The following UNC13C variants were observed in gnomAD, a reference collection of about 807,000 sequenced individuals.
UNC13C encodes the protein unc-13 homolog C, also known as protein unc-13 homolog C.
A neutral mutation model predicts 245.4 loss-of-function variants in UNC13C; 174 were observed. That is an observed-to-expected ratio of 0.71 (90% CI 0.63 to 0.80). UNC13C has a LOEUF of 0.80. Ranked by LOEUF, UNC13C falls within the 30% of genes least tolerant of loss-of-function variation. The pLI is 0.00. For synonymous variants in UNC13C, 992 were observed against 895.1 expected, an observed-to-expected ratio of 1.11 and a Z score of -1.93; for missense variants, 2,829 against 2,602.9, an observed-to-expected ratio of 1.09 and a Z score of -1.89.
chr15:54,179,527 C>T (rs1298971865), intron 4 of UNC13C, among the ~76,000 whole-genome samples: 1 of 151,770 alleles, frequency 6.6e-6, no homozygotes, highest in African/African-American at 2.4e-5. Flanking sequence ...AGAGAAGGGA[C>T]ATAGAGAAGA....
At chr15:54,542,459 G>A (rs1331456597) in intron 26 of UNC13C, among the ~76,000 whole-genome samples, 4 of 152,116 alleles carry the variant, frequency 2.6e-5, no homozygotes, top group African/African-American at 9.7e-5. Context: ...GTGGTGCTGA[G>A]AAGAATGTAT....
At chr15:53,861,983 C>T in the UNC13C span, among the ~76,000 whole-genome samples, 631 of 152,224 alleles carry the variant, frequency 4.1e-3, 3 homozygotes, top group African/African-American at 0.015. Flanking sequence ...CATTAAATCT[C>T]GGCTGTGAAA....
At chr15:54,633,165 C>CA (rs1023071480), downstream of UNC13C, 1,469 of 145,162 alleles carry the variant, frequency 0.01, 32 homozygotes, top group African/African-American at 0.035. Context: ...AACTCTGTCT[C>CA]AAAAAAAAAA....
intron 2 of UNC13C, among the ~76,000 whole-genome samples, chr15:54,027,927 C>G (rs1896185573): frequency 6.6e-6 from 1 of 152,116 alleles, no homozygotes; most frequent in Non-Finnish European, 1.5e-5. Flanking sequence ...TTCTTCCCAC[C>G]CCTATCAGCC....
At chr15:54,225,872 C>A (rs1195125321) in intron 4 of UNC13C, among the ~76,000 whole-genome samples, 1 of 152,172 alleles carries the variant, frequency 6.6e-6, no homozygotes, top group Non-Finnish European at 1.5e-5. Context: ...AGAGGGCATC[C>A]TTGTCTTGTG....
the UNC13C span, among the ~76,000 whole-genome samples, chr15:53,871,686 G>A: frequency 6.6e-6 from 1 of 152,184 alleles, no homozygotes; most frequent in African/African-American, 2.4e-5. Context: ...TAGATAGCCT[G>A]TGGCTGGACT....
At chr15:54,467,518 A>C (rs1892243343) in intron 19 of UNC13C, among the ~76,000 whole-genome samples, 1 of 151,696 alleles carries the variant, frequency 6.6e-6, no homozygotes, top group South Asian at 2.1e-4. Context: ...TTTGAAATAC[A>C]CAATAAATTA....
At chr15:54,474,326 C>T (rs1206091983) in intron 19 of UNC13C, among the ~76,000 whole-genome samples, 5 of 152,000 alleles carry the variant, frequency 3.3e-5, no homozygotes, top group Admixed American at 2.6e-4. Flanking sequence ...TCTGCGTCCT[C>T]ACCAGCATCT....
At position 54,027,555 on chromosome 15, in the gene UNC13C, C is replaced by T. The variant is rs373313732; in HGVS notation, c.2983+11669C>T. Among the ~76,000 whole-genome samples, 15 of 152,072 alleles carry T rather than the reference C, an allele frequency of 9.9e-5. No homozygotes were observed. The South Asian group carries it at 3.1e-3, about 32-fold the overall frequency. ...TGGCTAATTTTTGTGTTTTTTAGTA[C>T]AGATGGGGTTTTATCATGTTGGCCA... On this transcript the variant is annotated intron_variant, in intron 2 of 32. Transcript: ENST00000260323.
chr15:54,053,076 T>C (rs2141058088), intron 2 of UNC13C, among the ~76,000 whole-genome samples: 1 of 152,320 alleles, frequency 6.6e-6, no homozygotes, highest in Non-Finnish European at 1.5e-5. Context: ...CTCGACCCAC[T>C]GCAACTTCTG....
At chr15:54,064,600 C>T (rs545357654) in intron 2 of UNC13C, among the ~76,000 whole-genome samples, 1 of 152,326 alleles carries the variant, frequency 6.6e-6, no homozygotes, top group Non-Finnish European at 1.5e-5. Context: ...ATTAAATGGA[C>T]ATATTCCAAA....
At chr15:54,416,353 G>GA (rs34259612) in intron 19 of UNC13C, among the ~76,000 whole-genome samples, 2 of 151,480 alleles carry the variant, frequency 1.3e-5, no homozygotes, top group African/African-American at 2.4e-5. Context: ...TTCTTATTTG[G>GA]AAAAAAAAGG....
intron 2 of UNC13C, among the ~76,000 whole-genome samples, chr15:54,022,607 G>C (rs927902485): frequency 5.3e-5 from 8 of 152,052 alleles, no homozygotes; most frequent in African/African-American, 1.9e-4. Context: ...TTATTTTCTT[G>C]CTATTGACTT....
At chr15:53,948,293 G>C in the UNC13C span, 3 of 152,176 alleles carry the variant, frequency 2.0e-5, no homozygotes, top group African/African-American at 4.8e-5. Context: ...ACTGCTTTCA[G>C]AAGAAAGTAC....
intron 4 of UNC13C, among the ~76,000 whole-genome samples, chr15:54,157,091 G>A (rs1199809020): frequency 2.6e-5 from 4 of 152,166 alleles, no homozygotes; most frequent in Admixed American, 2.6e-4. Flanking sequence ...CTCACCAATT[G>A]AGTACAAGCC....
intron 19 of UNC13C, among the ~76,000 whole-genome samples, chr15:54,478,066 G>T (rs576643818): frequency 4.6e-5 from 7 of 151,564 alleles, no homozygotes; most frequent in African/African-American, 1.5e-4. Flanking sequence ...GAATTTATCC[G>T]TGTCTTCTAG....
At chr15:54,295,702 G>C (rs1490321861) in intron 11 of UNC13C, among the ~76,000 whole-genome samples, 1 of 149,572 alleles carries the variant, frequency 6.7e-6, no homozygotes, top group Non-Finnish European at 1.5e-5. Flanking sequence ...CCATGTACCA[G>C]ACTATATTCA....
intron 10 of UNC13C, among the ~76,000 whole-genome samples, chr15:54,281,995 G>A (rs1446710306): frequency 2.0e-5 from 3 of 152,100 alleles, no homozygotes; most frequent in Non-Finnish European, 4.4e-5. Context: ...TGTCTCAGCA[G>A]GTGGTTTCTT....
At chr15:54,474,844 C>T (rs374512893) in intron 19 of UNC13C, among the ~76,000 whole-genome samples, 2 of 151,774 alleles carry the variant, frequency 1.3e-5, no homozygotes, top group East Asian at 1.9e-4. Context: ...CCACCCATAC[C>T]AGAAGAAGAA....
Sources: gnomAD v4.1 joint callset for allele counts (sites outside exome capture counted in the v4.1 genomes callset) on GRCh38, gnomAD v4.1.1 for gene constraint, MANE v1.5 for transcripts, NCBI Gene and HGNC (gene_info 2026-07-23, HGNC 2026-07-21) for gene names.